MRPL42: variants seen among roughly 807,000 people sequenced by gnomAD.
The protein encoded by MRPL42 is mitochondrial ribosomal protein L42, also known as large ribosomal subunit protein mL42.
A neutral mutation model predicts 17.9 loss-of-function variants in MRPL42; 17 were observed. That is an observed-to-expected ratio of 0.95 (90% CI 0.65 to 1.42). The LOEUF is 1.42. Among genes scored for constraint, MRPL42 ranks in the 40% most tolerant of loss-of-function variants. The pLI, the probability that MRPL42 is intolerant of heterozygous loss-of-function variation, is 0.00. For missense variants in MRPL42, 177 were observed against 175.2 expected, an observed-to-expected ratio of 1.01 and a Z score of -0.06; for synonymous variants, 59 against 54.4, an observed-to-expected ratio of 1.08 and a Z score of -0.37.
intron 3 of MRPL42, among the ~76,000 whole-genome samples, chr12:93,477,432 T>C (rs1373547282): frequency 2.6e-5 from 4 of 152,238 alleles, no homozygotes; most frequent in Non-Finnish European, 4.4e-5. Flanking sequence ...TTGGTACTTA[T>C]TCAATTTAGT....
intron 2 of MRPL42, chr12:93,470,525 T>A (rs751231888): frequency 2.3e-6 from 3 of 1,295,966 alleles, no homozygotes; most frequent in South Asian, 2.5e-5. Flanking sequence ...GTGGATGTAT[T>A]ACATATACTG....
chr12:93,504,221 G>C lies in MRPL42; in HGVS notation c.*3000G>C, dbSNP rs1219741812. 2 of 154,378 alleles carry C rather than the reference G, an allele frequency of 1.3e-5. No homozygotes were observed. Among genetic ancestry groups the C allele is most frequent in the Non-Finnish European group, 2.9e-5 (2 of 68,362 alleles). 9.6% of individuals were successfully genotyped at this position (154,378 alleles called of 1,614,324 possible). Reference sequence around the variant, plus strand: ...AATGGCGCGATCTTGGCTCACTGCAGCCTCCACCTCCCGGGTTCAAGTGAT... The same window carrying C: ...AATGGCGCGATCTTGGCTCACTGCACCCTCCACCTCCCGGGTTCAAGTGAT... On this transcript the variant is annotated 3_prime_UTR_variant, in exon 6 of 6. Coordinates refer to ENST00000549982, the MANE Select transcript of MRPL42 (RefSeq NM_014050.4).
intron 4 of MRPL42, among the ~76,000 whole-genome samples, chr12:93,483,936 T>C (rs1366459787): frequency 1.3e-5 from 2 of 152,110 alleles, no homozygotes; most frequent in Admixed American, 6.6e-5. Context: ...CTTTTTAAAC[T>C]TTTTTTGTGA....
In MRPL42 at chr12:93,501,243, CAA is replaced by C. The variant is rs757914455; in HGVS notation, c.*24_*25del. 7 of 1,585,584 alleles carry C rather than the reference CAA, an allele frequency of 4.4e-6. No individual in the cohort carries two copies. In the South Asian group the frequency reaches 4.7e-5, roughly 11 times the overall value. The stretch of plus-strand genomic sequence containing the variant: ...ATGATGCGGAGGTTCCTGGGGGAAT[CAA>C]AGAGAAATGTGCCTCATTTGCCATT... On this transcript the variant is annotated 3_prime_UTR_variant, in exon 6 of 6. Coordinates refer to ENST00000549982, the MANE Select transcript of MRPL42 (RefSeq NM_014050.4).
Position 93,487,547 on chromosome 12 carries a change from A to G in MRPL42, c.270A>G (p.Gln90=), listed in dbSNP as rs1953326744. The G allele has an allele frequency of 8.1e-6, 13 of 1,613,942 alleles. No homozygotes were observed. The highest frequency in any genetic ancestry group is 1.3e-5 in the African/African-American group (1 of 75,056). The stretch of plus-strand genomic sequence containing the variant: ...ATAATAATGAAGAAACACATGATCA[A>G]GTGCTGAAAACCAGATTGGAAGAAA... ...PVHNNEETHD[Q]VLKTRLEEKV... The change falls in exon 5 of 6, where the codon CAA becomes CAG. Residue 90 remains glutamine (Q), a synonymous_variant. Coordinates refer to ENST00000549982, the MANE Select transcript of MRPL42 (RefSeq NM_014050.4).
At chr12:93,473,367 T>G (rs1161801173) in intron 2 of MRPL42, among the ~76,000 whole-genome samples, 1 of 152,148 alleles carries the variant, frequency 6.6e-6, no homozygotes, top group Non-Finnish European at 1.5e-5. Context: ...GCTCAGGTGA[T>G]CCTGCTATCT....
At chr12:93,489,706 TTG>T (rs1270945227) in intron 5 of MRPL42, among the ~76,000 whole-genome samples, 1 of 152,126 alleles carries the variant, frequency 6.6e-6, no homozygotes, top group Non-Finnish European at 1.5e-5. Flanking sequence ...GGCTAATTTT[TTG>T]TATTTTTAGT....
intron 2 of MRPL42, among the ~76,000 whole-genome samples, chr12:93,473,574 G>A (rs571641552): frequency 1.8e-4 from 27 of 152,098 alleles, no homozygotes; most frequent in Non-Finnish European, 3.4e-4. Flanking sequence ...TGGGATTATA[G>A]GCATGTACCA....
rs1334548957 is a variant in MRPL42, at chr12:93,506,809, A to G, written c.*5588A>G. ...TACTTGAATAATTGTCTTGATGAGTAATATATGTAGTCAGTAACATGGTTA... is the reference window on the plus strand; with the variant it reads ...TACTTGAATAATTGTCTTGATGAGTGATATATGTAGTCAGTAACATGGTTA... On this transcript the variant is annotated 3_prime_UTR_variant, in exon 6 of 6. Transcript: ENST00000549982. 1.3e-5 allele frequency: 2 copies of G among 152,214 alleles called. No individual in the cohort carries two copies. The highest frequency in any genetic ancestry group is 2.9e-5 in the Non-Finnish European group (2 of 68,042). 9.4% of individuals were successfully genotyped at this position (152,214 alleles called of 1,614,324 possible).
chr12:93,485,916 C>T (rs906402017), intron 4 of MRPL42, among the ~76,000 whole-genome samples: 5 of 152,080 alleles, frequency 3.3e-5, no homozygotes, highest in African/African-American at 1.2e-4. Context: ...AAAAGATCAT[C>T]CTGCCTCAGA....
chr12:93,490,102 T>C (rs1372079372), intron 5 of MRPL42, among the ~76,000 whole-genome samples: 1 of 152,254 alleles, frequency 6.6e-6, no homozygotes, highest in Non-Finnish European at 1.5e-5. Context: ...AGTACCTGTT[T>C]CTTTCCTGCA....
intron 5 of MRPL42, among the ~76,000 whole-genome samples, chr12:93,490,633 CTTTT>C (rs1324950747): frequency 1.3e-5 from 2 of 152,106 alleles, no homozygotes; most frequent in East Asian, 3.9e-4. Flanking sequence ...CCATTTCTTT[CTTTT>C]TGTCTGTCTA....
rs764782785 is a variant in MRPL42 at position 93,479,481 on chromosome 12, G to A, written c.219+9G>A. On this transcript the variant is annotated intron_variant, in intron 4 of 5. Transcript: ENST00000549982. ...CATATGAACACACAAAAGTATGTAT[G>A]AGAAAATTTCTTGCAGTTTTTAATT... The A allele has an allele frequency of 3.3e-5, 53 of 1,590,588 alleles. 1 individual carries two copies. The highest frequency in any genetic ancestry group is 4.0e-5 in the Non-Finnish European group (47 of 1,163,734).
At position 93,513,065 on chromosome 12, in the gene MRPL42, T is replaced by G. The variant is rs192520879; in HGVS notation, c.*11844T>G. On this transcript the variant is annotated 3_prime_UTR_variant, in exon 6 of 6. Transcript: ENST00000549982. ...GGTTTCATCTTATGAATAATATTTT[T>G]TAAAAACCATGGAAACAGTTTAGAT... 6.6e-6 allele frequency: 1 copy of G among 152,286 alleles called. No homozygotes were observed. Among genetic ancestry groups the G allele is most frequent in the East Asian group, 1.9e-4 (1 of 5,192 alleles). 9.4% of individuals were successfully genotyped at this position (152,286 alleles called of 1,614,324 possible).
chr12:93,480,188 C>G (rs1351153820), intron 4 of MRPL42, among the ~76,000 whole-genome samples: 2 of 151,772 alleles, frequency 1.3e-5, no homozygotes, highest in African/African-American at 2.4e-5. Context: ...GTGGCGTGAT[C>G]CGGCTCACTG....
rs972861243 is a variant in MRPL42 at position 93,505,565 on chromosome 12, C to G, written c.*4344C>G. ...AAATAATTTTCAAACATTCTAACAC[C>G]AAAGAAAGATACTCCCAATTGAGCT... On this transcript the variant is annotated 3_prime_UTR_variant, in exon 6 of 6. Transcript: ENST00000549982. 6.6e-6 allele frequency: 1 copy of G among 151,962 alleles called. No individual in the cohort carries two copies. The highest frequency in any genetic ancestry group is 6.5e-5 in the Admixed American group (1 of 15,268). 9.4% of individuals were successfully genotyped at this position (151,962 alleles called of 1,614,324 possible).
chr12:93,495,383 C>T (rs749432645), intron 5 of MRPL42, among the ~76,000 whole-genome samples: 9 of 151,590 alleles, frequency 5.9e-5, no homozygotes, highest in Non-Finnish European at 1.2e-4. Flanking sequence ...ACTACCATAC[C>T]TGGCTGATTT....
intron 2 of MRPL42, among the ~76,000 whole-genome samples, chr12:93,475,271 C>A (rs1880110037): frequency 6.6e-6 from 1 of 151,936 alleles, no homozygotes; most frequent in Non-Finnish European, 1.5e-5. Flanking sequence ...TGCACCACCA[C>A]ACCCGGCTAA....
At chr12:93,496,884 C>G (rs989012553) in intron 5 of MRPL42, among the ~76,000 whole-genome samples, 2 of 151,998 alleles carry the variant, frequency 1.3e-5, no homozygotes, top group Admixed American at 1.3e-4. Context: ...ACAATCTAGG[C>G]TCACTGTAAC....
Sources: allele counts gnomAD v4.1 joint callset (sites outside exome capture counted in the v4.1 genomes callset), GRCh38; gene constraint gnomAD v4.1.1; transcripts MANE v1.5; gene names NCBI Gene and HGNC (gene_info 2026-07-23, HGNC 2026-07-21).